The following KDM1B variants were observed in gnomAD, a reference collection of about 807,000 sequenced individuals.
KDM1B encodes the protein lysine-specific histone demethylase 2.
In KDM1B, 63 loss-of-function variants were observed where a neutral mutation model predicts 107.4. The observed-to-expected ratio is 0.59, with a 90% CI of 0.48 to 0.72. The LOEUF (loss-of-function observed/expected upper bound fraction) is 0.72, where lower values mean the gene tolerates loss of function less well. Ranked by LOEUF, KDM1B falls within the 30% of genes least tolerant of loss-of-function variation. KDM1B has a pLI of 0.00. For missense variants in KDM1B, 749 were observed against 1,020.8 expected, an observed-to-expected ratio of 0.73 and a Z score of 3.63; for synonymous variants, 363 against 363.9, an observed-to-expected ratio of 1.00 and a Z score of 0.03.
chr6:18,217,927 T>C, intron 21 of KDM1B, 42 bp downstream of exon 21: 2 of 1,588,312 alleles, frequency 1.3e-6, no homozygotes, highest in Non-Finnish European at 1.7e-6. Context: ...GTATTTTGAT[T>C]TCTGTCTTTC....
At position 18,209,378 on chromosome 6, in the gene KDM1B, G is replaced by T. The variant is rs1419270187; in HGVS notation, c.1866+1172G>T. On this transcript the variant is annotated intron_variant, in intron 17 of 21. Coordinates refer to ENST00000650836, the MANE Select transcript of KDM1B (RefSeq NM_001364614.2). The surrounding 1 kb of genome is among the most constrained non-coding windows in gnomAD (Gnocchi z 4.3). ...TCAGGTATCTAAAACTTATTTCATA[G>T]TCCTTGATTTTCATACAGAAGTAAA... is the stretch of plus-strand genomic sequence containing the variant. Among the ~76,000 whole-genome samples, 2 of 152,184 alleles carry T rather than the reference G, an allele frequency of 1.3e-5. No individual in the cohort carries two copies. The highest frequency in any genetic ancestry group is 2.9e-5 in the Non-Finnish European group (2 of 68,036).
chr6:18,193,464 G>A (rs2150945403), intron 10 of KDM1B, among the ~76,000 whole-genome samples: 1 of 148,768 alleles, frequency 6.7e-6, no homozygotes, highest in South Asian at 2.2e-4. Flanking sequence ...GTGCCACCAT[G>A]CCCAGCTAAT....
chr6:18,204,694 T>C lies in KDM1B; in HGVS notation c.1532-843T>C, dbSNP rs1788257588. On this transcript the variant is annotated intron_variant, in intron 14 of 21. Transcript: ENST00000650836. The surrounding 1 kb of genome is among the most constrained non-coding windows in gnomAD (Gnocchi z 4.9). ...GGGCTGTGTCCATATAGTTACAAGGTCCGGTTGAGTGGGACAGATAAGTAA... is the reference window on the plus strand; with the variant it reads ...GGGCTGTGTCCATATAGTTACAAGGCCCGGTTGAGTGGGACAGATAAGTAA... Among the ~76,000 whole-genome samples the C allele has an allele frequency of 6.6e-6, 1 of 152,002 alleles. No individual in the cohort carries two copies. Among genetic ancestry groups the C allele is most frequent in the Middle Eastern group, 3.4e-3 (1 of 294 alleles).
At chr6:18,216,662 T>C (rs1027445807) in intron 20 of KDM1B, among the ~76,000 whole-genome samples, 8 of 152,218 alleles carry the variant, frequency 5.3e-5, no homozygotes, top group Non-Finnish European at 1.0e-4. Context: ...TTTTCAGTCA[T>C]GCACCGTTCT....
rs1788019529 is a variant in KDM1B, at chr6:18,201,379, T to G, written c.1360-107T>G. ...CATATTTAGCTTTATTTTTGAGAGA[T>G]ATGAGACCATTTTCTCCATGAGAGC... On this transcript the variant is annotated intron_variant, in intron 13 of 21. Coordinates refer to ENST00000650836, the MANE Select transcript of KDM1B (RefSeq NM_001364614.2). This position sits in a 1 kb window ranked among gnomAD's most constrained non-coding sequence, Gnocchi z 4.3. The G allele has an allele frequency of 1.3e-6, 1 of 772,156 alleles. No homozygotes were observed. Among genetic ancestry groups the G allele is most frequent in the Admixed American group, 2.9e-5 (1 of 34,138 alleles). The allele number at this position is 772,156 out of a possible 1,614,324, so 47.8% of individuals were successfully genotyped here.
chr6:18,165,128 A>ATTTTTTTTTTT (rs35906579), intron 5 of KDM1B, among the ~76,000 whole-genome samples: 2 of 81,568 alleles, frequency 2.5e-5, no homozygotes, highest in Non-Finnish European at 4.3e-5. Flanking sequence ...GCCTTCTCTG[A>ATTTTTTTTTTT]TTTTTTTTTT....
intron 7 of KDM1B, 141 bp from the exon 8 acceptor site, chr6:18,185,631 T>C: frequency 1.3e-6 from 1 of 769,942 alleles, no homozygotes; most frequent in Non-Finnish European, 2.2e-6. Flanking sequence ...CTCCAGACAC[T>C]CTGATTTATA....
Position 18,204,366 on chromosome 6 carries a change from C to A in KDM1B, c.1532-1171C>A, listed in dbSNP as rs1788233374. Among the ~76,000 whole-genome samples, 1 of 152,052 alleles carries A rather than the reference C, an allele frequency of 6.6e-6. No homozygotes were observed. The highest frequency in any genetic ancestry group is 6.6e-5 in the Admixed American group (1 of 15,258). Reference sequence around the variant, plus strand: ...GGGCATAGAGGCGGGCGCCTGTAGTCCCAGCTACTTGGGAGGCCGATTGCT... The same window carrying A: ...GGGCATAGAGGCGGGCGCCTGTAGTACCAGCTACTTGGGAGGCCGATTGCT... On this transcript the variant is annotated intron_variant, in intron 14 of 21. Transcript: ENST00000650836. This position sits in a 1 kb window ranked among gnomAD's most constrained non-coding sequence, Gnocchi z 4.9.
chr6:18,195,745 A>G (rs1787605248), intron 10 of KDM1B, among the ~76,000 whole-genome samples: 1 of 151,826 alleles, frequency 6.6e-6, no homozygotes, highest in African/African-American at 2.4e-5. Flanking sequence ...AAAAAAAAAA[A>G]AAAGAGAAAG....
In KDM1B at chr6:18,197,736, ACCAG is replaced by A; in HGVS notation, c.1221+76_1221+79del. On this transcript the variant is annotated intron_variant, in intron 12 of 21. Transcript: ENST00000650836. The surrounding 1 kb of genome is among the most constrained non-coding windows in gnomAD (Gnocchi z 4.5). The stretch of plus-strand genomic sequence containing the variant: ...TGGTCCAAATTTCTAAGATTTAGAA[ACCAG>A]TTCCTATTTTTAGTGAAGAATACTA... 1 of 1,021,964 alleles carries A rather than the reference ACCAG, an allele frequency of 9.8e-7. No homozygotes were observed. The highest frequency in any genetic ancestry group is 1.5e-6 in the Non-Finnish European group (1 of 672,284). The allele number at this position is 1,021,964 out of a possible 1,614,324, so 63.3% of individuals were successfully genotyped here. A position where few individuals can be genotyped will look rare whatever the true frequency, so the allele number is the denominator to read the frequency against.
intron 20 of KDM1B, among the ~76,000 whole-genome samples, chr6:18,215,622 G>T (rs1353757847): frequency 6.6e-6 from 1 of 152,180 alleles, no homozygotes; most frequent in Non-Finnish European, 1.5e-5. Context: ...GGCACTGAGG[G>T]TTAGGGTGTC....
rs971849796 is a variant in KDM1B, at chr6:18,164,997, A to G, written c.306-1270A>G. On this transcript the variant is annotated intron_variant, in intron 5 of 21. Coordinates refer to ENST00000650836, the MANE Select transcript of KDM1B (RefSeq NM_001364614.2). ...TAGTTTTTTTGTAATCCCACTGACA[A>G]TCTCTTTTAATCTGTATGTTTATGC... Among the ~76,000 whole-genome samples, 5 of 151,888 alleles carry G rather than the reference A, an allele frequency of 3.3e-5. No individual in the cohort carries two copies. The East Asian group carries it at 9.7e-4, about 29-fold the overall frequency.
rs1316792622 is a variant in KDM1B at position 18,211,805 on chromosome 6, A to G, written c.1867-683A>G. The G allele has an allele frequency of 6.6e-6, 1 of 152,298 alleles. No individual in the cohort carries two copies. The highest frequency in any genetic ancestry group is 1.5e-5 in the Non-Finnish European group (1 of 68,104). The allele number at this position is 152,298 out of a possible 1,614,324, so 9.4% of individuals were successfully genotyped here. On this transcript the variant is annotated intron_variant, in intron 17 of 21. Coordinates refer to ENST00000650836, the MANE Select transcript of KDM1B (RefSeq NM_001364614.2). This position sits in a 1 kb window ranked among gnomAD's most constrained non-coding sequence, Gnocchi z 5.2. ...TGATTCTCAGAGGTTAGTGGGGCAG[A>G]TACTACCTTCATTTTATAGATGTAT...
At chr6:18,216,108 C>G (rs1789208770) in intron 20 of KDM1B, among the ~76,000 whole-genome samples, 1 of 152,154 alleles carries the variant, frequency 6.6e-6, no homozygotes. Context: ...GAGACAGAGT[C>G]TCACTCTTTC....
chr6:18,221,197 ACACTT>A (rs887163118), intron 21 of KDM1B, among the ~76,000 whole-genome samples: 7 of 152,018 alleles, frequency 4.6e-5, no homozygotes, highest in Non-Finnish European at 4.4e-5. Context: ...TTAGGTGACT[ACACTT>A]CACTTCACCT....
chr6:18,205,779 G>A lies in KDM1B; in HGVS notation c.1659+115G>A, dbSNP rs1004050216. 7 of 1,010,332 alleles carry A rather than the reference G, an allele frequency of 6.9e-6. No homozygotes were observed. The highest frequency in any genetic ancestry group is 7.9e-6 in the Non-Finnish European group (6 of 760,252). The allele number at this position is 1,010,332 out of a possible 1,614,324, so 62.6% of individuals were successfully genotyped here. ...GAGGCCGAGGTGGGCAGATCATGAGGTCAGGAGATCGAGACCATCCTGGCC... is the reference window on the plus strand; with the variant it reads ...GAGGCCGAGGTGGGCAGATCATGAGATCAGGAGATCGAGACCATCCTGGCC... On this transcript the variant is annotated intron_variant, in intron 15 of 21. Coordinates refer to ENST00000650836, the MANE Select transcript of KDM1B (RefSeq NM_001364614.2). This position sits in a 1 kb window ranked among gnomAD's most constrained non-coding sequence, Gnocchi z 5.7.
intron 10 of KDM1B, among the ~76,000 whole-genome samples, chr6:18,193,372 C>T (rs374323271): frequency 7.1e-6 from 1 of 141,048 alleles, no homozygotes; most frequent in African/African-American, 2.6e-5. Flanking sequence ...GGCACCATCA[C>T]AGCTCACTAC....
Position 18,222,720 on chromosome 6 carries a change from A to G in KDM1B, c.*728A>G, listed in dbSNP as rs1789855923. 1 of 153,014 alleles carries G rather than the reference A, an allele frequency of 6.5e-6. No homozygotes were observed. Among genetic ancestry groups the G allele is most frequent in the Non-Finnish European group, 1.5e-5 (1 of 68,332 alleles). The allele number at this position is 153,014 out of a possible 1,614,324, so 9.5% of individuals were successfully genotyped here. On this transcript the variant is annotated 3_prime_UTR_variant, in exon 22 of 22. Coordinates refer to ENST00000650836, the MANE Select transcript of KDM1B (RefSeq NM_001364614.2). ...GCACAGATAGTGTGGGCTTCACACT[A>G]TAGACACAGAATATAGCTTTTTCTT...
rs559304369 is a variant in KDM1B at position 18,166,478 on chromosome 6, TG to T, written c.417+101del. On this transcript the variant is annotated intron_variant, in intron 6 of 21. Coordinates refer to ENST00000650836, the MANE Select transcript of KDM1B (RefSeq NM_001364614.2). Reference sequence around the variant, plus strand: ...TTAGGAAATCTCCTATTACATTTATTGTTCCTTCTATGACTATTAAAGCAAA... The same window carrying T: ...TTAGGAAATCTCCTATTACATTTATTTTCCTTCTATGACTATTAAAGCAAA... 1.3e-3 allele frequency: 928 copies of T among 739,562 alleles called. 8 individuals are homozygous for T. In the African/African-American group the frequency reaches 0.014, roughly 11 times the overall value. The allele number at this position is 739,562 out of a possible 1,614,324, so 45.8% of individuals were successfully genotyped here.
Sources: allele counts gnomAD v4.1 joint callset (sites outside exome capture counted in the v4.1 genomes callset), GRCh38; gene constraint gnomAD v4.1.1; non-coding constraint Gnocchi (gnomAD v3.1); transcripts MANE v1.5; gene names NCBI Gene and HGNC (gene_info 2026-07-23, HGNC 2026-07-21).